The following CMTM8 variants were observed in gnomAD, a reference collection of about 807,000 sequenced individuals.
The protein encoded by CMTM8 is CKLF like MARVEL transmembrane domain containing 8.
Under a neutral mutation model 18.6 loss-of-function variants are expected in CMTM8, and 12 were observed. The ratio of observed to expected loss-of-function variants is 0.65; its 90% CI spans 0.41 to 1.05. The LOEUF (loss-of-function observed/expected upper bound fraction) is 1.05. Among genes scored for constraint, CMTM8 ranks in the 50% least tolerant of loss-of-function variants. CMTM8 has a pLI of 0.00. For missense variants in CMTM8, 217 were observed against 227.2 expected (o/e 0.95, Z 0.29); for synonymous variants, 87 against 90.6 (o/e 0.96, Z 0.23).
chr3:32,310,448 C>T (rs1488874356), intron 1 of CMTM8, among the ~76,000 whole-genome samples: 2 of 152,176 alleles, frequency 1.3e-5, no homozygotes, highest in South Asian at 2.1e-4. Context: ...AATGGGAGGC[C>T]TTGTCCTTGC....
At chr3:32,261,915 A>G (rs1291664892) in intron 1 of CMTM8, among the ~76,000 whole-genome samples, 1 of 152,216 alleles carries the variant, frequency 6.6e-6, no homozygotes, top group Non-Finnish European at 1.5e-5. Context: ...GTTCAACTGA[A>G]GATGACAATC....
chr3:32,316,510 A>C (rs1399694446), intron 1 of CMTM8, among the ~76,000 whole-genome samples: 1 of 152,234 alleles, frequency 6.6e-6, no homozygotes, highest in East Asian at 1.9e-4. Flanking sequence ...CTTAGTAAAA[A>C]GTTGACAGAA....
intron 1 of CMTM8, among the ~76,000 whole-genome samples, chr3:32,352,592 A>C (rs1039623571): frequency 1.3e-5 from 2 of 152,246 alleles, no homozygotes; most frequent in African/African-American, 4.8e-5. Flanking sequence ...AACAGATGTC[A>C]GACATAAGAC....
intron 2 of CMTM8, among the ~76,000 whole-genome samples, chr3:32,359,721 T>G (rs1420121409): frequency 1.3e-5 from 2 of 152,200 alleles, no homozygotes; most frequent in African/African-American, 4.8e-5. Flanking sequence ...TTTATTACAT[T>G]AAAAATTTTA....
At chr3:32,328,370 CA>C (rs796201249) in intron 1 of CMTM8, among the ~76,000 whole-genome samples, 965 of 74,688 alleles carry the variant, frequency 0.013, 10 homozygotes, top group African/African-American at 0.056. Context: ...ACCCTGTCTC[CA>C]AAAAAAAAAA....
chr3:32,295,455 C>CAAAAAAAAAAAAA (rs1400148634), intron 1 of CMTM8, among the ~76,000 whole-genome samples: 3 of 27,546 alleles, frequency 1.1e-4, no homozygotes, highest in African/African-American at 4.0e-4. Flanking sequence ...GACTCCATCT[C>CAAAAAAAAAAAAA]AAAAAAAAAA....
chr3:32,333,631 CAA>C (rs10576288), intron 1 of CMTM8, among the ~76,000 whole-genome samples: 6,042 of 114,784 alleles, frequency 0.053, 279 homozygotes, highest in East Asian at 0.21. Flanking sequence ...ACTTTTCCAC[CAA>C]AAAAAAAAAA....
chr3:32,333,596 A>G (rs1031627959), intron 1 of CMTM8, among the ~76,000 whole-genome samples: 10 of 151,254 alleles, frequency 6.6e-5, no homozygotes, highest in Middle Eastern at 3.4e-3. Flanking sequence ...ATTGCTTGTA[A>G]CTGCAGCACA....
intron 1 of CMTM8, among the ~76,000 whole-genome samples, chr3:32,282,100 C>T (rs1702617569): frequency 6.6e-6 from 1 of 152,130 alleles, no homozygotes; most frequent in South Asian, 2.1e-4. Context: ...TGTATCTGCC[C>T]ACTCACCATC....
At chr3:32,249,518 A>G (rs749504921) in intron 1 of CMTM8, among the ~76,000 whole-genome samples, 3 of 151,838 alleles carry the variant, frequency 2.0e-5, no homozygotes, top group Non-Finnish European at 2.9e-5. Context: ...CTGCAACATG[A>G]GAGTTCTAAT....
chr3:32,268,406 GAC>G, intron 1 of CMTM8, among the ~76,000 whole-genome samples: 1 of 152,268 alleles, frequency 6.6e-6, no homozygotes, highest in South Asian at 2.1e-4. Context: ...AGAACACTTG[GAC>G]ACAGGAGGGG....
chr3:32,258,947 T>A, intron 1 of CMTM8: 1 of 334,084 alleles, frequency 3.0e-6, no homozygotes, highest in Non-Finnish European at 5.8e-6. Flanking sequence ...AGCGTGAGCT[T>A]CACCACTCGT....
intron 1 of CMTM8, among the ~76,000 whole-genome samples, chr3:32,240,098 A>AT (rs1701928251): frequency 6.6e-6 from 1 of 152,202 alleles, no homozygotes; most frequent in African/African-American, 2.4e-5. Context: ...GGGAATTGAA[A>AT]ATGAGCCTAT....
intron 1 of CMTM8, among the ~76,000 whole-genome samples, chr3:32,321,310 G>A (rs1324895478): frequency 6.6e-6 from 1 of 152,146 alleles, no homozygotes; most frequent in Non-Finnish European, 1.5e-5. Context: ...ACCATGGTGG[G>A]AAGAGGGGCA....
intron 1 of CMTM8, among the ~76,000 whole-genome samples, chr3:32,244,378 G>T (rs1249262118): frequency 6.6e-6 from 1 of 152,196 alleles, no homozygotes; most frequent in African/African-American, 2.4e-5. Flanking sequence ...AGAAACGGGG[G>T]TCTCACTGTG....
intron 1 of CMTM8, among the ~76,000 whole-genome samples, chr3:32,283,694 A>G (rs773502359): frequency 6.6e-6 from 1 of 152,152 alleles, no homozygotes; most frequent in African/African-American, 2.4e-5. Flanking sequence ...ACATGCACAC[A>G]TACATCCCCT....
chr3:32,310,843 A>G lies in CMTM8; in HGVS notation c.148-46530A>G, dbSNP rs1575170643. ...TGGAAATACACAAAGTTGGAAAAAA[A>G]TGTTAAACACCTATGCTGCTATAAT... On this transcript the variant is annotated intron_variant, in intron 1 of 3. Transcript: ENST00000307526. Among the ~76,000 whole-genome samples, 4 of 152,264 alleles carry G rather than the reference A, an allele frequency of 2.6e-5. No individual in the cohort carries two copies. The South Asian group carries it at 8.3e-4, about 31-fold the overall frequency.
chr3:32,328,449 GTCAAGGC>G (rs111526912), intron 1 of CMTM8, among the ~76,000 whole-genome samples: 64,972 of 140,668 alleles, frequency 0.46, 15,484 homozygotes, highest in East Asian at 0.81. Flanking sequence ...AGCTCAGGAG[GTCAAGGC>G]TCAAGGCTGC....
At chr3:32,354,131 G>GT (rs1696766577) in intron 1 of CMTM8, among the ~76,000 whole-genome samples, 1 of 150,390 alleles carries the variant, frequency 6.6e-6, no homozygotes, top group African/African-American at 2.4e-5. Context: ...TGTTTTATAA[G>GT]TCTTAGTTTT....
Sources: gnomAD v4.1 joint callset for allele counts (sites outside exome capture counted in the v4.1 genomes callset) on GRCh38, gnomAD v4.1.1 for gene constraint, MANE v1.5 for transcripts, NCBI Gene and HGNC (gene_info 2026-07-23, HGNC 2026-07-21) for gene names.